The following RPL7 variants were observed in gnomAD, a reference collection of about 807,000 sequenced individuals.
The protein encoded by RPL7 is large ribosomal subunit protein uL30.
For missense variants in RPL7, 205 were observed against 301.9 expected, an observed-to-expected ratio of 0.68 and a Z score of 2.38; for synonymous variants, 100 against 102.2, an observed-to-expected ratio of 0.98 and a Z score of 0.13.
chr8:73,292,722 G>C lies in RPL7; in HGVS notation c.90C>G (p.Ile30Met), dbSNP rs772805645. The change falls in exon 2 of 7, where the codon ATC (isoleucine) becomes ATG (methionine). Residue 30 changes from isoleucine to methionine, a missense_variant. Transcript: ENST00000352983. ...KKRRNFAELK[I>M]KRLRKKFAQK... ...GGGCAAACTTCTTTCTCAGGCGCTT[G>C]ATCTTCAGCTCTGCGAAATTCCTTC... The C allele has an allele frequency of 6.2e-6, 10 of 1,613,586 alleles. No individual in the cohort carries two copies. In the African/African-American group the frequency reaches 9.4e-5, roughly 15 times the overall value.
At chr8:73,291,017 A>G in intron 6 of RPL7, 26 bp downstream of exon 6, 2 of 1,540,710 alleles carry the variant, frequency 1.3e-6, no homozygotes, top group Non-Finnish European at 1.8e-6. Context: ...CATTAACTCA[A>G]CCTTTCTCAG....
Position 73,292,342 on chromosome 8 carries a change from G to T in RPL7, c.187C>A (p.Gln63Lys), listed in dbSNP as rs1814119806. 3 of 1,605,306 alleles carry T rather than the reference G, an allele frequency of 1.9e-6. No individual in the cohort carries two copies. The East Asian group carries it at 6.7e-5, about 36-fold the overall frequency. ...KAKHYHKEYRQMYRTEIRMAR... is the reference protein window; with the variant it reads ...KAKHYHKEYRKMYRTEIRMAR... The stretch of plus-strand genomic sequence containing the variant: ...ATTCGAATTTCAGTTCTGTACATCT[G>T]CCTATATTCCTTGTGATAGTGCTTT... The change falls in exon 3 of 7, where the codon CAG (glutamine) becomes AAG (lysine). Residue 63 changes from glutamine (Q) to lysine (K), a missense_variant. Transcript: ENST00000352983.
intron 1 of RPL7, 191 bp downstream of exon 1, chr8:73,293,407 CA>C (rs1814159770): frequency 9.6e-6 from 6 of 623,378 alleles, no homozygotes; most frequent in Admixed American, 2.9e-5. Flanking sequence ...CCGGGATCTC[CA>C]AAACCTCCGT....
At chr8:73,292,598 T>C in intron 2 of RPL7, 91 bp downstream of exon 2, 5 of 1,108,802 alleles carry the variant, frequency 4.5e-6, no homozygotes, top group Non-Finnish European at 6.6e-6. Context: ...TCAGTACAGT[T>C]AGGAAGTAAA....
At chr8:73,291,354 G>A in intron 5 of RPL7, 102 bp from the exon 6 acceptor site, 5 of 975,476 alleles carry the variant, frequency 5.1e-6, no homozygotes, top group Non-Finnish European at 6.1e-6. Flanking sequence ...AACATAACCA[G>A]GAATAAACAA....
intron 1 of RPL7, chr8:73,293,073 A>T: frequency 3.9e-6 from 1 of 254,118 alleles, no homozygotes; most frequent in East Asian, 7.0e-5. Flanking sequence ...ACGACTAATT[A>T]AAAAAAAAAA....
In RPL7 at chr8:73,291,544, G is replaced by C; in HGVS notation, c.538+8C>G. The C allele has an allele frequency of 2.5e-6, 4 of 1,585,506 alleles. No homozygotes were observed. Among genetic ancestry groups the C allele is most frequent in the South Asian group, 1.1e-5 (1 of 88,410 alleles). On this transcript the variant is annotated splice_region_variant and intron_variant, in intron 5 of 6. Transcript: ENST00000352983. ...CTAATACCAAATTTTCCCCCAAATAGAACCTACCAAGAGATCGAGCAATCA... is the reference window on the plus strand; with the variant it reads ...CTAATACCAAATTTTCCCCCAAATACAACCTACCAAGAGATCGAGCAATCA...
At position 73,293,615 on chromosome 8, in the gene RPL7, T is replaced by G; in HGVS notation, c.-3A>C. 6.2e-7 allele frequency: 1 copy of G among 1,613,804 alleles called. No individual in the cohort carries two copies. The highest frequency in any genetic ancestry group is 8.5e-7 in the Non-Finnish European group (1 of 1,179,872). ...GCAACTCACTCTACACCCTCCATGG[T>G]TCCAGCCGGAAAAAGAGGAAGTTGG... On this transcript the variant is annotated 5_prime_UTR_variant, in exon 1 of 7. Coordinates refer to ENST00000352983, the MANE Select transcript of RPL7 (RefSeq NM_000971.4).
Position 73,293,602 on chromosome 8 carries a change from A to G in RPL7, c.11T>C (p.Val4Ala), listed in dbSNP as rs1024526474. 1.9e-6 allele frequency: 3 copies of G among 1,613,814 alleles called. No homozygotes were observed. The highest frequency in any genetic ancestry group is 3.3e-5 in the Admixed American group (2 of 59,986). MEG[V>A]EEKKKEVPAV... ...AAGAGGACCAGAAGCAACTCACTCT[A>G]CACCCTCCATGGTTCCAGCCGGAAA... Residue 4 changes from valine (V) to alanine (A), a missense_variant, in exon 1 of 7, where the codon GTA (valine) becomes GCA (alanine). Transcript: ENST00000352983.
Position 73,292,814 on chromosome 8 carries a change from A to G in RPL7, c.15-17T>C. ...TTCTTCTCTCTAACGTTAATAAACAAAAATGTTATCAATAGCTCAAAAAGC... is the reference window on the plus strand; with the variant it reads ...TTCTTCTCTCTAACGTTAATAAACAGAAATGTTATCAATAGCTCAAAAAGC... On this transcript the variant is annotated splice_polypyrimidine_tract_variant and intron_variant, in intron 1 of 6. Coordinates refer to ENST00000352983, the MANE Select transcript of RPL7 (RefSeq NM_000971.4). 6.3e-7 allele frequency: 1 copy of G among 1,574,902 alleles called. No homozygotes were observed. The highest frequency in any genetic ancestry group is 1.1e-5 in the South Asian group (1 of 88,578).
chr8:73,293,646 G>A, upstream of RPL7: 3 of 1,613,052 alleles, frequency 1.9e-6, no homozygotes, highest in Non-Finnish European at 2.5e-6. Flanking sequence ...GTTGGCGCAT[G>A]CGTACTGTCC....
At position 73,292,728 on chromosome 8, in the gene RPL7, C is replaced by A; in HGVS notation, c.84G>T (p.Leu28=). The A allele has an allele frequency of 6.2e-7, 1 of 1,613,826 alleles. No individual in the cohort carries two copies. Among genetic ancestry groups the A allele is most frequent in the South Asian group, 1.1e-5 (1 of 90,998 alleles). The part of the protein sequence containing the change: ...LKKKRRNFAE[L]KIKRLRKKFA... ...ACTTCTTTCTCAGGCGCTTGATCTTCAGCTCTGCGAAATTCCTTCGCTTTT... is the reference window on the plus strand; with the variant it reads ...ACTTCTTTCTCAGGCGCTTGATCTTAAGCTCTGCGAAATTCCTTCGCTTTT... Residue 28 remains leucine, a synonymous_variant, in exon 2 of 7, where the codon CTG becomes CTT. Coordinates refer to ENST00000352983, the MANE Select transcript of RPL7 (RefSeq NM_000971.4).
intron 5 of RPL7, 27 bp downstream of exon 5, chr8:73,291,525 C>T (rs771245226): frequency 1.5e-5 from 23 of 1,540,024 alleles, no homozygotes; most frequent in Admixed American, 3.4e-5. Flanking sequence ...TGGTCTAATA[C>T]CAAATTTTCC....
At chr8:73,292,177 G>GT in intron 3 of RPL7, 62 bp downstream of exon 3, 1 of 1,425,368 alleles carries the variant, frequency 7.0e-7, no homozygotes, top group South Asian at 1.3e-5. Flanking sequence ...GCTCCCAGAA[G>GT]TAATGTGAAG....
chr8:73,291,399 G>C (rs555175628), intron 5 of RPL7, 147 bp from the exon 6 acceptor site: 2 of 849,454 alleles, frequency 2.4e-6, no homozygotes, highest in South Asian at 3.7e-5. Context: ...TAAGGTTCAA[G>C]CTAATGAAAC....
intron 1 of RPL7, 99 bp downstream of exon 1, chr8:73,293,500 C>A: frequency 4.1e-6 from 6 of 1,457,784 alleles, no homozygotes; most frequent in Non-Finnish European, 5.7e-6. Flanking sequence ...GGGAGGTGGG[C>A]AAAGGTGCAA....
At chr8:73,293,195 AAAC>A in intron 1 of RPL7, 1 of 226,632 alleles carries the variant, frequency 4.4e-6, no homozygotes, top group Non-Finnish European at 8.5e-6. Flanking sequence ...AATAAAAAAA[AAAC>A]AAGCCACCAC....
chr8:73,292,353 T>A lies in RPL7; in HGVS notation c.176A>T (p.Lys59Met). 6.2e-7 allele frequency: 1 copy of A among 1,604,000 alleles called. No homozygotes were observed. The change falls in exon 3 of 7, where the codon AAG (lysine) becomes ATG (methionine). Residue 59 changes from lysine to methionine, a missense_variant. Transcript: ENST00000352983. The part of the protein sequence containing the change: ...LIYEKAKHYH[K>M]EYRQMYRTEI... ...AGTTCTGTACATCTGCCTATATTCCTTGTGATAGTGCTTTGCTTTTTCATA... is the reference window on the plus strand; with the variant it reads ...AGTTCTGTACATCTGCCTATATTCCATGTGATAGTGCTTTGCTTTTTCATA...
upstream of RPL7, chr8:73,293,862 A>T: frequency 2.2e-6 from 1 of 464,318 alleles, no homozygotes; most frequent in Middle Eastern, 6.4e-4. Flanking sequence ...AAGAGTGCTG[A>T]CACCTTGGCA....
Sources: gnomAD v4.1 joint callset for allele counts on GRCh38, gnomAD v4.1.1 for gene constraint, MANE v1.5 for transcripts, NCBI Gene and HGNC (gene_info 2026-07-23, HGNC 2026-07-21) for gene names.